Variants in ITPR3 observed in about 807,000 individuals in gnomAD.
The protein encoded by ITPR3 is inositol 1,4,5-trisphosphate receptor type 3.
A neutral mutation model predicts 293.2 loss-of-function variants in ITPR3; 173 were observed. That is an observed-to-expected ratio of 0.59 (90% CI 0.52 to 0.67). The LOEUF is 0.67. ITPR3 is among the 30% of genes least tolerant of loss of function. The pLI is 0.00. For missense variants in ITPR3, 2,796 were observed against 3,592.1 expected (o/e 0.78, Z 5.66); for synonymous variants, 1,295 against 1,444.4 (o/e 0.90, Z 2.35).
Position 33,688,070 on chromosome 6 carries a change from A to G in ITPR3, c.6278A>G (p.Asn2093Ser). ...EGISSMLSLN[N>S]KQLSQMLKSS... The stretch of plus-strand genomic sequence containing the variant: ...CCCCACCTCCAGCTCAGCCTCAACA[A>G]CAAGCAGCTGTCACAGATGCTCAAG... The change falls in exon 47 of 58, where the codon AAC becomes AGC. Residue 2093 changes from asparagine to serine, a missense_variant. Around this residue, in one of 8 missense-constraint regions of ITPR3, gnomAD observed 568 missense variants for 796.1 expected, o/e 0.71. Transcript: ENST00000605930. 1 of 1,613,880 alleles carries G rather than the reference A, an allele frequency of 6.2e-7. No individual in the cohort carries two copies. Among genetic ancestry groups the G allele is most frequent in the South Asian group, 1.1e-5 (1 of 91,054 alleles).
At chr6:33,693,846 A>G in intron 56 of ITPR3, 141 bp downstream of exon 56, 4 of 976,346 alleles carry the variant, frequency 4.1e-6, no homozygotes, top group Non-Finnish European at 6.0e-6. Context: ...TGTTGGCCCT[A>G]GGAGGCCAGG....
chr6:33,686,626 T>C, intron 43 of ITPR3, 107 bp downstream of exon 43: 1 of 858,358 alleles, frequency 1.2e-6, no homozygotes, highest in Middle Eastern at 2.5e-4. Flanking sequence ...ATGTGGGTGT[T>C]AGCATTGTGT....
chr6:33,639,378 C>CAA (rs34424556), intron 1 of ITPR3, among the ~76,000 whole-genome samples: 1,214 of 94,900 alleles, frequency 0.013, 25 homozygotes, highest in African/African-American at 0.039. Context: ...AACTCTGTCT[C>CAA]AAAAAAAAAA....
intron 2 of ITPR3, among the ~76,000 whole-genome samples, chr6:33,651,276 CAAAA>C (rs11284603): frequency 7.8e-5 from 8 of 103,164 alleles, no homozygotes; most frequent in Admixed American, 9.8e-5. Flanking sequence ...GACTCCGTCT[CAAAA>C]AAAAAAAAAA....
Position 33,692,448 on chromosome 6 carries a change from C to T in ITPR3, c.7459-280C>T, listed in dbSNP as rs1407960477. 6.6e-6 allele frequency among the ~76,000 whole-genome samples: 1 copy of T among 152,144 alleles called. No individual in the cohort carries two copies. The highest frequency in any genetic ancestry group is 1.5e-5 in the Non-Finnish European group (1 of 68,028). ...GCAGAGACACACCGAGACTCGTAGC[C>T]CTACCTCCCCGCCAGACTCCTTCTG... On this transcript the variant is annotated intron_variant, in intron 54 of 57. Transcript: ENST00000605930. The surrounding 1 kb of genome is among the most constrained non-coding windows in gnomAD (Gnocchi z 4.2).
chr6:33,680,816 TTA>T (rs1455939585), intron 33 of ITPR3, 136 bp downstream of exon 33: 1 of 1,052,858 alleles, frequency 9.5e-7, no homozygotes, highest in Non-Finnish European at 1.3e-6. Context: ...AGTGTATTGG[TTA>T]TCTTTTTTTT....
At chr6:33,644,568 A>G (rs1764022312) in intron 2 of ITPR3, among the ~76,000 whole-genome samples, 1 of 148,788 alleles carries the variant, frequency 6.7e-6, no homozygotes, top group African/African-American at 2.5e-5. Context: ...TTTTATTTTT[A>G]TTTTTTACTC....
chr6:33,679,699 C>T lies in ITPR3; in HGVS notation c.3973-183C>T, dbSNP rs1157961599. On this transcript the variant is annotated intron_variant, in intron 30 of 57. Coordinates refer to ENST00000605930, the MANE Select transcript of ITPR3 (RefSeq NM_002224.4). This position sits in a 1 kb window ranked among gnomAD's most constrained non-coding sequence, Gnocchi z 4.2. Reference sequence around the variant, plus strand: ...TTTCTGGGTCATGGGGTCAATATCTCTGCTGGCAGAGGGCCTGAGACATCA... The same window carrying T: ...TTTCTGGGTCATGGGGTCAATATCTTTGCTGGCAGAGGGCCTGAGACATCA... 2.0e-5 allele frequency among the ~76,000 whole-genome samples: 3 copies of T among 152,148 alleles called. No individual in the cohort carries two copies. In the East Asian group the frequency reaches 5.8e-4, roughly 29 times the overall value.
chr6:33,681,812 A>G (rs1765084441), intron 33 of ITPR3, among the ~76,000 whole-genome samples: 1 of 151,904 alleles, frequency 6.6e-6, no homozygotes, highest in Non-Finnish European at 1.5e-5. Flanking sequence ...CTGGTAATTG[A>G]TATCAGCTTT....
At chr6:33,688,986 T>C (rs1217471002) in intron 49 of ITPR3, among the ~76,000 whole-genome samples, 1 of 152,180 alleles carries the variant, frequency 6.6e-6, no homozygotes, top group Admixed American at 6.5e-5. Flanking sequence ...TTTGACCTCA[T>C]GGGAGATGGC....
At chr6:33,694,407 C>G (rs766771090) in intron 56 of ITPR3, 4 of 172,880 alleles carry the variant, frequency 2.3e-5, no homozygotes, top group Non-Finnish European at 4.9e-5. Context: ...GCCCCCTCCC[C>G]CCCCGACTCC....
Position 33,655,791 on chromosome 6 carries a change from G to T in ITPR3, c.186G>T (p.Met62Ile). ...FRDCLFKVCP[M>I]NRYSAQKQYW... The stretch of plus-strand genomic sequence containing the variant: ...ACTGCCTCTTCAAGGTGTGCCCCAT[G>T]AACCGCTACTCGGCCCAGAAGCAGT... Residue 62 changes from methionine (M) to isoleucine (I), a missense_variant, in exon 3 of 58, where the codon ATG becomes ATT. Met to Ile is a conservative substitution (Grantham distance 10). Transcript: ENST00000605930. The surrounding 1 kb of genome is among the most constrained non-coding windows in gnomAD (Gnocchi z 4.9). The T allele has an allele frequency of 6.2e-7, 1 of 1,614,066 alleles. No homozygotes were observed. The highest frequency in any genetic ancestry group is 1.1e-5 in the South Asian group (1 of 91,074).
In ITPR3 at chr6:33,690,910, C is replaced by T. The variant is rs528380680; in HGVS notation, c.7033-7C>T. 149 of 1,613,102 alleles carry T rather than the reference C, an allele frequency of 9.2e-5. 1 individual carries two copies. In the South Asian group the frequency reaches 9.8e-4, roughly 11 times the overall value. On this transcript the variant is annotated splice_polypyrimidine_tract_variant and splice_region_variant and intron_variant, in intron 51 of 57. Coordinates refer to ENST00000605930, the MANE Select transcript of ITPR3 (RefSeq NM_002224.4). ...GGTGCCATCCCTATCTCAACCCCAT[C>T]CTGCAGCTCTTTGACCTCATCTACC... is the stretch of plus-strand genomic sequence containing the variant.
chr6:33,657,962 G>T lies in ITPR3; in HGVS notation c.313G>T (p.Asp105Tyr). ...GGCGCAGATGGAGCAGAAGCAAAAT[G>T]ACACGGAGAACAAGAAGGTGCATGG... The part of the protein sequence containing the change: ...HAAQMEQKQN[D>Y]TENKKVHGDV... Residue 105 changes from aspartate to tyrosine, a missense_variant, in exon 4 of 58, where the codon GAC becomes TAC. This residue lies in a region of ITPR3 where 144 missense variants were observed against 230.8 expected (regional missense o/e 0.62). Coordinates refer to ENST00000605930, the MANE Select transcript of ITPR3 (RefSeq NM_002224.4). The T allele has an allele frequency of 6.2e-7, 1 of 1,613,878 alleles. No homozygotes were observed.
At position 33,684,542 on chromosome 6, in the gene ITPR3, C is replaced by T. The variant is rs959816005; in HGVS notation, c.5047-56C>T. 19 of 1,605,238 alleles carry T rather than the reference C, an allele frequency of 1.2e-5. No individual in the cohort carries two copies. Among genetic ancestry groups the T allele is most frequent in the Non-Finnish European group, 1.6e-5 (19 of 1,172,162 alleles). ...GGGCTCAGGGTCAAGCCCGTCAGGC[C>T]AGTGGTCAGTGGTGGGCTGTACCCA... On this transcript the variant is annotated intron_variant, in intron 37 of 57. Coordinates refer to ENST00000605930, the MANE Select transcript of ITPR3 (RefSeq NM_002224.4). The surrounding 1 kb of genome is among the most constrained non-coding windows in gnomAD (Gnocchi z 4.2).
chr6:33,690,916 G>A lies in ITPR3; in HGVS notation c.7033-1G>A, dbSNP rs1179107452. On this transcript the variant is annotated splice_acceptor_variant, in intron 51 of 57. Transcript: ENST00000605930. LOFTEE classifies it high-confidence loss of function. ...ATCCCTATCTCAACCCCATCCTGCA[G>A]CTCTTTGACCTCATCTACCGCGAGG... 6.2e-7 allele frequency: 1 copy of A among 1,613,454 alleles called. No individual in the cohort carries two copies. Among genetic ancestry groups the A allele is most frequent in the African/African-American group, 1.3e-5 (1 of 74,906 alleles).
chr6:33,682,434 G>A lies in ITPR3; in HGVS notation c.4477-90G>A. 1 of 1,411,054 alleles carries A rather than the reference G, an allele frequency of 7.1e-7. No individual in the cohort carries two copies. The allele number at this position is 1,411,054 out of a possible 1,614,324, so 87.4% of individuals were successfully genotyped here. A position where few individuals can be genotyped will look rare whatever the true frequency, so the allele number is the denominator to read the frequency against. ...GTGAAGGCTCCGTCTCTCCACCCAT[G>A]CCCATTCTGATTGGGCCCTGGTTCC... is the stretch of plus-strand genomic sequence containing the variant. On this transcript the variant is annotated intron_variant, in intron 33 of 57. Transcript: ENST00000605930. This position sits in a 1 kb window ranked among gnomAD's most constrained non-coding sequence, Gnocchi z 5.4.
Position 33,650,164 on chromosome 6 carries a change from C to T in ITPR3, c.161-5602C>T, listed in dbSNP as rs77323743. Reference sequence around the variant, plus strand: ...TACCCATCCACCCTCCTTCTCTCTGCCCTTCAGCCCTGTGGTTTAGTGACA... The same window carrying T: ...TACCCATCCACCCTCCTTCTCTCTGTCCTTCAGCCCTGTGGTTTAGTGACA... On this transcript the variant is annotated intron_variant, in intron 2 of 57. Coordinates refer to ENST00000605930, the MANE Select transcript of ITPR3 (RefSeq NM_002224.4). Among the ~76,000 whole-genome samples, 564 of 152,334 alleles carry T rather than the reference C, an allele frequency of 3.7e-3. 1 individual carries two copies. Among genetic ancestry groups the T allele is most frequent in the African/African-American group, 0.013 (529 of 41,582 alleles).
rs905070672 is a variant in ITPR3 at position 33,671,033 on chromosome 6, C to G, written c.2587-132C>G. 3.2e-5 allele frequency: 47 copies of G among 1,463,390 alleles called. No homozygotes were observed. In the African/African-American group the frequency reaches 6.0e-4, roughly 19 times the overall value. The allele number at this position is 1,463,390 out of a possible 1,614,324, so 90.7% of individuals were successfully genotyped here. On this transcript the variant is annotated intron_variant, in intron 20 of 57. Coordinates refer to ENST00000605930, the MANE Select transcript of ITPR3 (RefSeq NM_002224.4). ...AAGGGCTGCCTCTCCCTGCTCCGCT[C>G]TCCCTCCTGGGAACCCCGTCCTCAT...
Sources: allele counts gnomAD v4.1 joint callset (sites outside exome capture counted in the v4.1 genomes callset), GRCh38; gene constraint gnomAD v4.1.1; regional missense constraint gnomAD v4.1.1; non-coding constraint Gnocchi (gnomAD v3.1); transcripts MANE v1.5; gene names NCBI Gene and HGNC (gene_info 2026-07-23, HGNC 2026-07-21).